Variants in TRHDE observed in about 807,000 individuals in gnomAD.
The protein encoded by TRHDE is thyrotropin releasing hormone degrading enzyme, also known as thyrotropin-releasing hormone-degrading ectoenzyme.
A neutral mutation model predicts 125.7 loss-of-function variants in TRHDE; 72 were observed. That is an observed-to-expected ratio of 0.57 (90% confidence interval 0.47 to 0.70). The LOEUF is 0.70. Ranked by LOEUF, TRHDE falls within the 30% of genes least tolerant of loss-of-function variation. TRHDE has a pLI of 0.00. For missense variants in TRHDE, 1,110 were observed against 1,327.1 expected (o/e 0.84, Z 2.54); for synonymous variants, 509 against 509.1 (o/e 1.00, Z 0.00).
chr12:72,384,525 T>C (rs1263194029), intron 3 of TRHDE, among the ~76,000 whole-genome samples: 1 of 152,118 alleles, frequency 6.6e-6, no homozygotes, highest in Non-Finnish European at 1.5e-5. Context: ...AAAATGCACA[T>C]AAAGAGAAGT....
chr12:72,436,587 G>A (rs1228992176), intron 3 of TRHDE, among the ~76,000 whole-genome samples: 2 of 151,836 alleles, frequency 1.3e-5, no homozygotes, highest in South Asian at 4.2e-4. Context: ...TATAAGGTCA[G>A]GCCCAGTGAT....
intron 17 of TRHDE, among the ~76,000 whole-genome samples, chr12:72,653,533 C>G (rs1026222507): frequency 1.3e-5 from 2 of 151,982 alleles, no homozygotes; most frequent in African/African-American, 2.4e-5. Flanking sequence ...ACGTTAATTA[C>G]TTCCGTATAA....
chr12:72,435,903 T>G (rs1303408616), intron 3 of TRHDE, among the ~76,000 whole-genome samples: 1 of 151,988 alleles, frequency 6.6e-6, no homozygotes, highest in Non-Finnish European at 1.5e-5. Flanking sequence ...GCTCATTAAG[T>G]AGGAAAGGCA....
chr12:72,366,510 A>C (rs748854656), intron 2 of TRHDE, among the ~76,000 whole-genome samples: 10 of 152,050 alleles, frequency 6.6e-5, no homozygotes, highest in Non-Finnish European at 1.3e-4. Flanking sequence ...GTTTATTGCC[A>C]TTTTATGGGA....
Position 72,575,521 on chromosome 12 carries a change from A to G in TRHDE, c.2300A>G (p.Asp767Gly). 6.2e-7 allele frequency: 1 copy of G among 1,613,664 alleles called. No individual in the cohort carries two copies. Among genetic ancestry groups the G allele is most frequent in the Middle Eastern group, 1.6e-4 (1 of 6,062 alleles). Residue 767 changes from aspartate (D) to glycine (G), a missense_variant, in exon 12 of 19, where the codon GAT becomes GGT. Asp to Gly is a moderately conservative substitution (Grantham distance 94). Around this residue, in one of 5 missense-constraint regions of TRHDE, gnomAD observed 527 missense variants for 651.8 expected, o/e 0.81. Coordinates refer to ENST00000261180, the MANE Select transcript of TRHDE (RefSeq NM_013381.3). The part of the protein sequence containing the change: ...LSVSNRAGLI[D>G]DAFSLARAGY... ...GTCAGTAACCGAGCGGGCTTGATCG[A>G]TGATGCCTTCAGCCTAGCCAGGTAT...
chr12:72,311,425 C>G (rs1168427041), intron 2 of TRHDE, among the ~76,000 whole-genome samples: 1 of 152,148 alleles, frequency 6.6e-6, no homozygotes, highest in East Asian at 1.9e-4. Context: ...TCTACAGATG[C>G]AGGCTTCATT....
chr12:72,455,625 C>A (rs894842673), intron 3 of TRHDE, among the ~76,000 whole-genome samples: 4 of 151,926 alleles, frequency 2.6e-5, no homozygotes, highest in African/African-American at 9.7e-5. Flanking sequence ...AATATGAAAA[C>A]TTACCTAGTA....
At chr12:72,566,689 T>C (rs998546693) in intron 9 of TRHDE, among the ~76,000 whole-genome samples, 6 of 151,960 alleles carry the variant, frequency 3.9e-5, no homozygotes, top group African/African-American at 1.2e-4. Flanking sequence ...CATTTGTCCT[T>C]GAGAATTTTT....
intron 2 of TRHDE, among the ~76,000 whole-genome samples, chr12:72,356,938 C>A (rs558217050): frequency 4.6e-5 from 7 of 151,576 alleles, no homozygotes; most frequent in Middle Eastern, 3.4e-3. Flanking sequence ...TCTATATTTT[C>A]GGAAATGCAT....
At chr12:72,220,823 G>A (rs1877985106) in intron 2 of TRHDE, among the ~76,000 whole-genome samples, 2 of 151,984 alleles carry the variant, frequency 1.3e-5, no homozygotes, top group Admixed American at 1.3e-4. Flanking sequence ...TTCCACCAAG[G>A]ACTGCTACTG....
At chr12:72,131,855 G>A (rs61045777) in intron 2 of TRHDE, among the ~76,000 whole-genome samples, 173 of 152,238 alleles carry the variant, frequency 1.1e-3, no homozygotes, top group African/African-American at 4.0e-3. Context: ...TACATCATTA[G>A]CCAAGGCAAG....
chr12:72,179,788 T>C (rs1877059313), intron 2 of TRHDE, among the ~76,000 whole-genome samples: 1 of 152,156 alleles, frequency 6.6e-6, no homozygotes, highest in Non-Finnish European at 1.5e-5. Flanking sequence ...GCTAACACAG[T>C]ATCTTGTATA....
rs138719079 is a variant in TRHDE, at chr12:72,139,867, A to T, written n.279+34115A>T. The stretch of plus-strand genomic sequence containing the variant: ...TGATGGGAATGAGTGGTTGGATAGG[A>T]TTCACTATTATCTTCCTCCCTTTGG... On this transcript the variant is annotated intron_variant and non_coding_transcript_variant, in intron 2 of 4. Coordinates refer to the TRHDE transcript ENST00000548156. Among the ~76,000 whole-genome samples the T allele has an allele frequency of 5.7e-4, 87 of 152,288 alleles. 1 individual carries two copies. The East Asian group carries it at 0.014, about 25-fold the overall frequency.
intron 2 of TRHDE, among the ~76,000 whole-genome samples, chr12:72,334,119 A>G (rs1412313312): frequency 1.3e-5 from 2 of 152,198 alleles, no homozygotes; most frequent in Non-Finnish European, 2.9e-5. Context: ...TTCAAGGGGC[A>G]TGGCATAAAA....
At chr12:72,472,301 A>G (rs1030891587) in intron 4 of TRHDE, among the ~76,000 whole-genome samples, 12 of 152,060 alleles carry the variant, frequency 7.9e-5, no homozygotes, top group African/African-American at 2.9e-4. Context: ...CATATAATGT[A>G]TTTTTTGCTT....
chr12:72,303,462 G>A (rs1294970198), intron 2 of TRHDE, among the ~76,000 whole-genome samples: 1 of 152,084 alleles, frequency 6.6e-6, no homozygotes, highest in Non-Finnish European at 1.5e-5. Flanking sequence ...AGCCCCTACA[G>A]CAGTGGCTCT....
At chr12:72,599,921 T>C (rs1469713500) in intron 12 of TRHDE, among the ~76,000 whole-genome samples, 2 of 152,080 alleles carry the variant, frequency 1.3e-5, no homozygotes, top group South Asian at 2.1e-4. Flanking sequence ...TTTTTTTGTA[T>C]AGTGAAAAGC....
intron 3 of TRHDE, among the ~76,000 whole-genome samples, chr12:72,421,825 G>A (rs1873967558): frequency 6.6e-6 from 1 of 152,100 alleles, no homozygotes. Flanking sequence ...CATCTATGTT[G>A]GTAGAAGCGT....
intron 3 of TRHDE, among the ~76,000 whole-genome samples, chr12:72,380,178 G>T (rs1218897061): frequency 6.6e-6 from 1 of 152,048 alleles, no homozygotes; most frequent in Non-Finnish European, 1.5e-5. Context: ...CTTTCTACAT[G>T]CCCTAATTTG....
Sources: gnomAD v4.1 joint callset for allele counts (sites outside exome capture counted in the v4.1 genomes callset) on GRCh38, gnomAD v4.1.1 for gene constraint, gnomAD v4.1.1 regional missense constraint, MANE v1.5 for transcripts, NCBI Gene and HGNC (gene_info 2026-07-23, HGNC 2026-07-21) for gene names.